INO80D: variants seen among roughly 807,000 people sequenced by gnomAD.
The protein encoded by INO80D is INO80 complex subunit D.
INO80D carries 21 observed loss-of-function variants against 87.6 expected under a neutral mutation model. The observed-to-expected ratio is 0.24, with a 90% CI of 0.17 to 0.35. The LOEUF (loss-of-function observed/expected upper bound fraction) is 0.35, where lower values mean the gene tolerates loss of function less well. Ranked by LOEUF, INO80D falls within the 10% of genes least tolerant of loss-of-function variation. The pLI is 1.00. For synonymous variants in INO80D, 440 were observed against 491.0 expected (o/e 0.90, Z 1.37); for missense variants, 982 against 1,280.7 (o/e 0.77, Z 3.56).
chr2:206,059,428 G>A (rs1234130140), intron 3 of INO80D, among the ~76,000 whole-genome samples: 1 of 152,078 alleles, frequency 6.6e-6, no homozygotes, highest in Non-Finnish European at 1.5e-5. Flanking sequence ...TTTTACTGTA[G>A]CATATAGGTG....
At chr2:206,054,226 C>T (rs1287789237) in intron 4 of INO80D, among the ~76,000 whole-genome samples, 2 of 149,430 alleles carry the variant, frequency 1.3e-5, no homozygotes, top group East Asian at 3.9e-4. Flanking sequence ...CTTACTGTGT[C>T]GCCCAGATTG....
At chr2:206,032,636 C>A (rs1346615847) in intron 5 of INO80D, among the ~76,000 whole-genome samples, 1 of 152,172 alleles carries the variant, frequency 6.6e-6, no homozygotes, top group Non-Finnish European at 1.5e-5. Flanking sequence ...AGAAACCCTA[C>A]AAGCTAGAAG....
intron 1 of INO80D, among the ~76,000 whole-genome samples, chr2:206,076,578 A>C (rs1191063104): frequency 6.6e-6 from 1 of 152,154 alleles, no homozygotes; most frequent in Non-Finnish European, 1.5e-5. Context: ...AAATATAAAC[A>C]ACATTCATTA....
rs1689718383 is a variant in INO80D at position 206,062,721 on chromosome 2, G to C, written c.218+78C>G. 8.3e-7 allele frequency: 1 copy of C among 1,206,402 alleles called. No individual in the cohort carries two copies. Among genetic ancestry groups the C allele is most frequent in the Non-Finnish European group, 1.2e-6 (1 of 856,750 alleles). 74.7% of individuals were successfully genotyped at this position (1,206,402 alleles called of 1,614,324 possible). ...GGGAGAAATGAAGGACAGAAGAAAA[G>C]AGAAGAAAAAACAAGAAAAGAAAAA... On this transcript the variant is annotated intron_variant, in intron 3 of 10. Transcript: ENST00000403263. This position sits in a 1 kb window ranked among gnomAD's most constrained non-coding sequence, Gnocchi z 4.6.
intron 1 of INO80D, among the ~76,000 whole-genome samples, chr2:206,080,922 A>AAAAAAAAAAAC (rs1690264068): frequency 6.6e-6 from 1 of 150,666 alleles, no homozygotes; most frequent in African/African-American, 2.4e-5. Flanking sequence ...AAAAAAAAAA[A>AAAAAAAAAAAC]AAAAAGAATA....
At chr2:206,035,670 A>G (rs1688873788) in intron 5 of INO80D, among the ~76,000 whole-genome samples, 1 of 152,216 alleles carries the variant, frequency 6.6e-6, no homozygotes, top group Admixed American at 6.5e-5. Context: ...GGCTTAGGCA[A>G]GGAGTTCATG....
intron 3 of INO80D, among the ~76,000 whole-genome samples, chr2:206,057,476 G>A (rs569841269): frequency 1.3e-5 from 2 of 152,136 alleles, no homozygotes; most frequent in African/African-American, 4.8e-5. Flanking sequence ...AAGATGGTTC[G>A]TGGGGTTATA....
chr2:206,013,089 T>G (rs1257687978), intron 8 of INO80D, among the ~76,000 whole-genome samples: 1 of 152,014 alleles, frequency 6.6e-6, no homozygotes, highest in Non-Finnish European at 1.5e-5. Context: ...TGAAAAAAAT[T>G]TGATTAGTAT....
chr2:206,019,925 C>G, intron 6 of INO80D, 80 bp from the exon 7 acceptor site: 1 of 874,356 alleles, frequency 1.1e-6, no homozygotes, highest in Non-Finnish European at 1.9e-6. Flanking sequence ...GATGTCACAA[C>G]TCTGTAACAC....
intron 1 of INO80D, among the ~76,000 whole-genome samples, chr2:206,078,059 T>C (rs1378759108): frequency 1.1e-4 from 1 of 8,948 alleles, no homozygotes; most frequent in South Asian, 1.5e-3. Context: ...TTGCAATGTT[T>C]ACAAAAAAAA....
chr2:206,066,000 C>T (rs1321260090), intron 1 of INO80D, among the ~76,000 whole-genome samples: 1 of 152,206 alleles, frequency 6.6e-6, no homozygotes, highest in Non-Finnish European at 1.5e-5. Context: ...TGGCTCACGC[C>T]TGTAATCCCA....
At chr2:206,005,571 T>G in intron 10 of INO80D, 38 bp from the exon 11 acceptor site, 3 of 1,449,914 alleles carry the variant, frequency 2.1e-6, no homozygotes, top group Non-Finnish European at 2.9e-6. Flanking sequence ...AGTAGAGCTT[T>G]TACCAGTTCT....
intron 5 of INO80D, among the ~76,000 whole-genome samples, chr2:206,030,612 G>A (rs969539926): frequency 4.6e-5 from 7 of 152,152 alleles, no homozygotes; most frequent in African/African-American, 1.7e-4. Context: ...TGAACAGCAA[G>A]AATGTAAGTA....
At chr2:206,020,964 G>A (rs1404004922) in intron 6 of INO80D, among the ~76,000 whole-genome samples, 1 of 152,004 alleles carries the variant, frequency 6.6e-6, no homozygotes, top group Non-Finnish European at 1.5e-5. Flanking sequence ...TTGAGCCCAG[G>A]AGTTTGAGAC....
At chr2:206,020,655 C>A (rs988028241) in intron 6 of INO80D, among the ~76,000 whole-genome samples, 4 of 151,958 alleles carry the variant, frequency 2.6e-5, no homozygotes, top group Admixed American at 6.6e-5. Flanking sequence ...TATTTTAACT[C>A]ATTTAAAATC....
chr2:206,071,811 C>T (rs988249615), intron 1 of INO80D, among the ~76,000 whole-genome samples: 1 of 151,988 alleles, frequency 6.6e-6, no homozygotes, highest in African/African-American at 2.4e-5. Flanking sequence ...CCACCTTCCA[C>T]CATAGGAACT....
At chr2:206,045,243 GT>G (rs1037854852) in intron 5 of INO80D, among the ~76,000 whole-genome samples, 4 of 152,092 alleles carry the variant, frequency 2.6e-5, no homozygotes, top group African/African-American at 7.2e-5. Flanking sequence ...TTTGATGATT[GT>G]ATTTCTCATT....
intron 4 of INO80D, among the ~76,000 whole-genome samples, chr2:206,054,395 G>T (rs1001311168): frequency 4.6e-5 from 7 of 151,998 alleles, no homozygotes; most frequent in African/African-American, 1.7e-4. Context: ...TTGTTTCTTT[G>T]CAGGTTTTTA....
rs1194963917 is a variant in INO80D, at chr2:206,028,197, T to C, written c.1212A>G (p.Lys404=). 3 of 1,610,836 alleles carry C rather than the reference T, an allele frequency of 1.9e-6. No individual in the cohort carries two copies. The highest frequency in any genetic ancestry group is 1.1e-5 in the South Asian group (1 of 90,432). The part of the protein sequence containing the change: ...RQKKCRHTFR[K]ALLQAASKEP... ...CTTTACTGGCCGCCTGCAGCAAAGC[T>C]TTCCTAAACGTATGCCGGCATTTCT... Residue 404 remains lysine (K), a synonymous_variant, in exon 6 of 11, where the codon AAA becomes AAG. Coordinates refer to ENST00000403263, the MANE Select transcript of INO80D (RefSeq NM_017759.5).
Sources: gnomAD v4.1 joint callset for allele counts (sites outside exome capture counted in the v4.1 genomes callset) on GRCh38, gnomAD v4.1.1 for gene constraint, Gnocchi (gnomAD v3.1) non-coding constraint, MANE v1.5 for transcripts, NCBI Gene and HGNC (gene_info 2026-07-23, HGNC 2026-07-21) for gene names.